AATF: variants seen among roughly 807,000 people sequenced by gnomAD.
AATF encodes the protein protein AATF.
Under a neutral mutation model 63.7 loss-of-function variants are expected in AATF, and 48 were observed. The observed-to-expected ratio is 0.75, with a 90% CI of 0.60 to 0.96. The LOEUF is 0.96. Among genes scored for constraint, AATF ranks in the 40% least tolerant of loss-of-function variants. The pLI, the probability that AATF is intolerant of heterozygous loss-of-function variation, is 0.00. For synonymous variants in AATF, 258 were observed against 247.7 expected, an observed-to-expected ratio of 1.04 and a Z score of -0.39; for missense variants, 639 against 685.7, an observed-to-expected ratio of 0.93 and a Z score of 0.76.
chr17:36,988,621 C>T lies in AATF; in HGVS notation c.1050C>T (p.Ser350=). 2 of 1,614,184 alleles carry T rather than the reference C, an allele frequency of 1.2e-6. No homozygotes were observed. Among genetic ancestry groups the T allele is most frequent in the Middle Eastern group, 1.7e-4 (1 of 6,060 alleles). The change falls in exon 6 of 12, where the codon AGC becomes AGT. Residue 350 remains serine (S), a synonymous_variant. Coordinates refer to ENST00000619387, the MANE Select transcript of AATF (RefSeq NM_012138.4). ...AGCTGGAGATGGAGGACTATCCCAGCTTCATGGCAAAGCGCTTTGCCGACT... is the reference window on the plus strand; with the variant it reads ...AGCTGGAGATGGAGGACTATCCCAGTTTCATGGCAAAGCGCTTTGCCGACT... The part of the protein sequence containing the change: ...KRKLEMEDYP[S]FMAKRFADFT...
At chr17:37,054,962 G>C (rs1354261582) in intron 11 of AATF, 2 of 152,380 alleles carry the variant, frequency 1.3e-5, no homozygotes, top group East Asian at 3.9e-4. Context: ...CCTGGGCACC[G>C]AAGTATCCGT....
chr17:36,964,597 A>G (rs984150073), intron 4 of AATF, among the ~76,000 whole-genome samples: 1 of 152,156 alleles, frequency 6.6e-6, no homozygotes, highest in African/African-American at 2.4e-5. Flanking sequence ...GAATTGGAAA[A>G]TTGTGTTTTC....
chr17:36,963,564 A>G (rs1006189417), intron 4 of AATF, among the ~76,000 whole-genome samples: 6 of 152,238 alleles, frequency 3.9e-5, no homozygotes, highest in Non-Finnish European at 7.3e-5. Context: ...TCTATTGTTT[A>G]TGTCTTAAAA....
chr17:37,042,204 G>T (rs370323013), intron 11 of AATF, among the ~76,000 whole-genome samples: 1 of 151,950 alleles, frequency 6.6e-6, no homozygotes, highest in Non-Finnish European at 1.5e-5. Context: ...AAATATATAA[G>T]AACCTTTTTG....
intron 8 of AATF, among the ~76,000 whole-genome samples, chr17:37,009,248 C>G (rs1207193985): frequency 6.6e-6 from 1 of 151,680 alleles, no homozygotes; most frequent in Non-Finnish European, 1.5e-5. Context: ...TCTTCTGCCT[C>G]AGGCTCCCGA....
At chr17:37,011,328 T>G (rs2071388954) in intron 8 of AATF, among the ~76,000 whole-genome samples, 1 of 152,038 alleles carries the variant, frequency 6.6e-6, no homozygotes, top group South Asian at 2.1e-4. Flanking sequence ...TGAGCAGAGA[T>G]AGCACCACGG....
At chr17:36,961,484 T>A (rs1240989160) in intron 4 of AATF, among the ~76,000 whole-genome samples, 1 of 152,208 alleles carries the variant, frequency 6.6e-6, no homozygotes, top group African/African-American at 2.4e-5. Flanking sequence ...TAATGAGATA[T>A]TTTACATTCC....
Position 36,952,911 on chromosome 17 carries a change from G to C in AATF, c.309G>C (p.Gly103=). Residue 103 remains glycine (G), a synonymous_variant, in exon 3 of 12, where the codon GGG becomes GGC. Transcript: ENST00000619387. ...ATGAGGAAATATCTGATGAGGAAGG[G>C]TCTGGAGATGAAGATTCAGAGGGAC... ...SSDEEISDEE[G]SGDEDSEGLG... The C allele has an allele frequency of 6.2e-7, 1 of 1,614,004 alleles. No individual in the cohort carries two copies. The highest frequency in any genetic ancestry group is 8.5e-7 in the Non-Finnish European group (1 of 1,180,026).
chr17:36,953,223 T>G lies in AATF; in HGVS notation c.621T>G (p.Gly207=). ...GAGATAGAAACAGTGAGGATGATGG[T>G]GTGGTGATGACCTTCTCTAGTGTCA... ...RAGDRNSEDD[G]VVMTFSSVKV... The change falls in exon 3 of 12, where the codon GGT becomes GGG. Residue 207 remains glycine (G), a synonymous_variant. Coordinates refer to ENST00000619387, the MANE Select transcript of AATF (RefSeq NM_012138.4). 1.9e-6 allele frequency: 3 copies of G among 1,614,116 alleles called. No individual in the cohort carries two copies. The highest frequency in any genetic ancestry group is 2.5e-6 in the Non-Finnish European group (3 of 1,180,010).
intron 4 of AATF, among the ~76,000 whole-genome samples, chr17:36,979,536 A>G (rs1397900358): frequency 1.3e-5 from 2 of 152,110 alleles, no homozygotes; most frequent in African/African-American, 4.8e-5. Context: ...TTTGAAGGAG[A>G]AAAAAATGCT....
chr17:36,962,544 T>G (rs771550565), intron 4 of AATF, among the ~76,000 whole-genome samples: 1 of 151,688 alleles, frequency 6.6e-6, no homozygotes, highest in Non-Finnish European at 1.5e-5. Context: ...GGAGTGAGAG[T>G]TGTCTTCAGC....
At chr17:37,004,183 T>A (rs1360188745) in intron 8 of AATF, among the ~76,000 whole-genome samples, 1 of 151,658 alleles carries the variant, frequency 6.6e-6, no homozygotes, top group African/African-American at 2.4e-5. Context: ...TACAAAAAAT[T>A]AGCCAGGCGT....
At chr17:37,010,705 A>G (rs1269847223) in intron 8 of AATF, among the ~76,000 whole-genome samples, 1 of 152,154 alleles carries the variant, frequency 6.6e-6, no homozygotes, top group Non-Finnish European at 1.5e-5. Flanking sequence ...CCTCAGGAAG[A>G]GAAGATGAAG....
At chr17:36,972,886 C>A (rs574245823) in intron 4 of AATF, among the ~76,000 whole-genome samples, 1 of 152,044 alleles carries the variant, frequency 6.6e-6, no homozygotes, top group Non-Finnish European at 1.5e-5. Context: ...TTGGAAGACT[C>A]GGGATTCTGT....
intron 4 of AATF, among the ~76,000 whole-genome samples, chr17:36,977,900 A>C (rs151080065): frequency 6.6e-6 from 1 of 152,306 alleles, no homozygotes; most frequent in Non-Finnish European, 1.5e-5. Flanking sequence ...TTCAGGAAGT[A>C]CATTGATCAG....
rs59773430 is a variant in AATF at position 37,051,697 on chromosome 17, G to GACACAC, written c.1620-4877_1620-4872dup. 8.8e-4 allele frequency among the ~76,000 whole-genome samples: 121 copies of GACACAC among 137,224 alleles called. 1 individual carries two copies. Among genetic ancestry groups the GACACAC allele is most frequent in the East Asian group, 4.2e-3 (20 of 4,758 alleles). The allele number at this position is 137,224 out of a possible 152,430, so 90.0% of individuals were successfully genotyped here. A position where few individuals can be genotyped will look rare whatever the true frequency, so the allele number is the denominator to read the frequency against. On this transcript the variant is annotated intron_variant, in intron 11 of 11. Coordinates refer to ENST00000619387, the MANE Select transcript of AATF (RefSeq NM_012138.4). ...CCTAAGACAGACAGACAGACAGACA[G>GACACAC]ACACACACACACACACACACACACA...
intron 4 of AATF, among the ~76,000 whole-genome samples, chr17:36,968,157 C>T (rs1018299752): frequency 1.3e-5 from 2 of 148,586 alleles, no homozygotes; most frequent in Non-Finnish European, 3.0e-5. Context: ...AATTTTTCAT[C>T]CCTCCCTCTC....
At chr17:37,045,930 C>T (rs1417447970) in intron 11 of AATF, 2 of 152,134 alleles carry the variant, frequency 1.3e-5, no homozygotes, top group Admixed American at 1.3e-4. Flanking sequence ...TGCTGAATTT[C>T]TGATTTGCAG....
At chr17:36,968,410 G>A (rs1440711446) in intron 4 of AATF, among the ~76,000 whole-genome samples, 2 of 148,816 alleles carry the variant, frequency 1.3e-5, no homozygotes, top group Middle Eastern at 3.5e-3. Context: ...AAGTAGCTGG[G>A]ACTACAGGTG....
Sources: allele counts gnomAD v4.1 joint callset (sites outside exome capture counted in the v4.1 genomes callset), GRCh38; gene constraint gnomAD v4.1.1; transcripts MANE v1.5; gene names NCBI Gene and HGNC (gene_info 2026-07-23, HGNC 2026-07-21).